Variants in LIN28B observed in about 807,000 individuals in gnomAD.
LIN28B encodes protein lin-28 homolog B.
Under a neutral mutation model 21.9 loss-of-function variants are expected in LIN28B, and 5 were observed. The observed-to-expected ratio is 0.23, with a 90% confidence interval of 0.12 to 0.48. The LOEUF (loss-of-function observed/expected upper bound fraction) is 0.48, where lower values mean the gene tolerates loss of function less well. Ranked by LOEUF, LIN28B falls within the 20% of genes least tolerant of loss-of-function variation. LIN28B has a pLI of 0.98. For synonymous variants in LIN28B, 109 were observed against 111.3 expected (o/e 0.98, Z 0.13); for missense variants, 245 against 310.5 (o/e 0.79, Z 1.58).
At chr6:104,977,713 G>C (rs569616759) in intron 2 of LIN28B, among the ~76,000 whole-genome samples, 1 of 151,990 alleles carries the variant, frequency 6.6e-6, no homozygotes, top group African/African-American at 2.4e-5. Context: ...GAGTACAGGC[G>C]TGCGCCACCA....
chr6:104,957,107 CAAAAG>C lies in LIN28B; in HGVS notation c.-141_-137del. ...AACTGGAGAGAGGAGAGAAAAAAAT[CAAAAG>C]AAGGAAAGCACATTAGACCATGCGA... On this transcript the variant is annotated 5_prime_UTR_variant, in exon 1 of 4. Coordinates refer to ENST00000345080, the MANE Select transcript of LIN28B (RefSeq NM_001004317.4). The C allele has an allele frequency of 6.4e-7, 1 of 1,562,780 alleles. No individual in the cohort carries two copies. The highest frequency in any genetic ancestry group is 8.7e-7 in the Non-Finnish European group (1 of 1,154,920).
chr6:104,950,398 G>T, intron 2 of LIN28B: 1 of 864,790 alleles, frequency 1.2e-6, no homozygotes, highest in Non-Finnish European at 1.5e-6. Context: ...TGGCCATTAG[G>T]ATGAAGAAGA....
intron 2 of LIN28B, among the ~76,000 whole-genome samples, chr6:104,997,424 GA>G (rs1770632746): frequency 6.6e-6 from 1 of 151,886 alleles, no homozygotes; most frequent in African/African-American, 2.4e-5. Flanking sequence ...AAGATGGAGT[GA>G]AAGGAAGAAA....
rs114761912 is a variant in LIN28B at position 105,005,209 on chromosome 6, T to C, written c.199-21089T>C. On this transcript the variant is annotated intron_variant, in intron 2 of 3. Coordinates refer to ENST00000345080, the MANE Select transcript of LIN28B (RefSeq NM_001004317.4). ...AGGTGCCCTTCTGATTCTTATTCCT[T>C]TTTGTGAGACCCCTCTACCTTTTTT... 5.7e-3 allele frequency among the ~76,000 whole-genome samples: 874 copies of C among 152,290 alleles called. 9 individuals are homozygous for C. The highest frequency in any genetic ancestry group is 0.02 in the African/African-American group (842 of 41,568).
chr6:105,007,747 C>A (rs1770846003), intron 2 of LIN28B, among the ~76,000 whole-genome samples: 1 of 151,954 alleles, frequency 6.6e-6, no homozygotes, highest in African/African-American at 2.4e-5. Flanking sequence ...CCAGGCTTGT[C>A]TTGAAGTGCT....
chr6:104,945,123 A>G (rs1282183038), intron 2 of LIN28B, among the ~76,000 whole-genome samples: 2 of 152,132 alleles, frequency 1.3e-5, no homozygotes, highest in East Asian at 3.8e-4. Flanking sequence ...TCTAGACTGT[A>G]TAGGTTAAAA....
In LIN28B at chr6:105,051,393, C is replaced by T. The variant is rs747998390; in HGVS notation, c.383+24911C>T. ...GGTGGAGGTTGCAGTGAGCTGAGAT[C>T]GTGCCATTGCACTCCAGCCTGGGCG... On this transcript the variant is annotated intron_variant, in intron 3 of 3. Transcript: ENST00000345080. 6.7e-5 allele frequency among the ~76,000 whole-genome samples: 10 copies of T among 150,130 alleles called. 1 individual carries two copies. Among genetic ancestry groups the T allele is most frequent in the African/African-American group, 2.0e-4 (8 of 40,108 alleles).
chr6:104,992,302 C>T (rs750431793), intron 2 of LIN28B, among the ~76,000 whole-genome samples: 7 of 152,106 alleles, frequency 4.6e-5, no homozygotes, highest in Non-Finnish European at 8.8e-5. Context: ...GGTGATCCGC[C>T]CACCTTGGCC....
intron 3 of LIN28B, among the ~76,000 whole-genome samples, chr6:105,034,762 T>G (rs1355608216): frequency 6.6e-6 from 1 of 152,096 alleles, no homozygotes; most frequent in Admixed American, 6.5e-5. Flanking sequence ...TGTGTGATAG[T>G]AAAGTTATTT....
intron 2 of LIN28B, among the ~76,000 whole-genome samples, chr6:104,977,034 T>A (rs903875678): frequency 5.9e-5 from 9 of 151,920 alleles, no homozygotes; most frequent in African/African-American, 1.9e-4. Flanking sequence ...CTCCTTATTT[T>A]TATTTTTTTT....
At chr6:104,950,181 C>T (rs1351150454) in intron 2 of LIN28B, among the ~76,000 whole-genome samples, 1 of 151,992 alleles carries the variant, frequency 6.6e-6, no homozygotes, top group Non-Finnish European at 1.5e-5. Context: ...ATTTAAACTG[C>T]ATTGTTCGTG....
At chr6:104,997,948 C>T (rs1481764784) in intron 2 of LIN28B, among the ~76,000 whole-genome samples, 1 of 151,928 alleles carries the variant, frequency 6.6e-6, no homozygotes, top group African/African-American at 2.4e-5. Flanking sequence ...TATTTATATA[C>T]AATAATAAAC....
rs1338174737 is a variant in LIN28B at position 105,082,337 on chromosome 6, C to T, written c.*3554C>T. ...AGTTTTATTTTGCACCAGTGCGGCCCCAAGTTACTGCTGGTTGTATTTAGT... is the reference window on the plus strand; with the variant it reads ...AGTTTTATTTTGCACCAGTGCGGCCTCAAGTTACTGCTGGTTGTATTTAGT... On this transcript the variant is annotated 3_prime_UTR_variant, in exon 4 of 4. Coordinates refer to ENST00000345080, the MANE Select transcript of LIN28B (RefSeq NM_001004317.4). 6.6e-6 allele frequency: 1 copy of T among 152,468 alleles called. No individual in the cohort carries two copies. The highest frequency in any genetic ancestry group is 2.4e-5 in the African/African-American group (1 of 41,396). 9.4% of individuals were successfully genotyped at this position (152,468 alleles called of 1,614,324 possible). A position where few individuals can be genotyped will look rare whatever the true frequency, so the allele number is the denominator to read the frequency against.
At chr6:104,955,457 C>T (rs1451981254), upstream of LIN28B, among the ~76,000 whole-genome samples, 3 of 152,036 alleles carry the variant, frequency 2.0e-5, no homozygotes, top group Middle Eastern at 3.2e-3. Context: ...TTTCATTAAA[C>T]CTTTTATCAA....
chr6:104,975,881 C>T lies in LIN28B; in HGVS notation c.198+17595C>T, dbSNP rs181451486. On this transcript the variant is annotated intron_variant, in intron 2 of 3. Coordinates refer to ENST00000345080, the MANE Select transcript of LIN28B (RefSeq NM_001004317.4). ...TTGTAGAGTTGGGGTTTCACCACGTCGTCCAGGCTGGTCTCAAACTCCTAA... is the reference window on the plus strand; with the variant it reads ...TTGTAGAGTTGGGGTTTCACCACGTTGTCCAGGCTGGTCTCAAACTCCTAA... Among the ~76,000 whole-genome samples, 17 of 145,836 alleles carry T rather than the reference C, an allele frequency of 1.2e-4. No individual in the cohort carries two copies. In the South Asian group the frequency reaches 1.5e-3, roughly 13 times the overall value.
upstream of LIN28B, among the ~76,000 whole-genome samples, chr6:104,954,442 C>T (rs2114558923): frequency 6.6e-6 from 1 of 152,330 alleles, no homozygotes; most frequent in South Asian, 2.1e-4. Flanking sequence ...TTGTGTTTCT[C>T]AATGTGTCTC....
intron 2 of LIN28B, among the ~76,000 whole-genome samples, chr6:104,966,220 G>A (rs1393294486): frequency 2.6e-5 from 4 of 152,108 alleles, no homozygotes; most frequent in African/African-American, 4.8e-5. Flanking sequence ...GTTTGGCTTC[G>A]GCTCTGCCAG....
At chr6:104,968,727 C>T (rs1769914192) in intron 2 of LIN28B, among the ~76,000 whole-genome samples, 1 of 152,074 alleles carries the variant, frequency 6.6e-6, no homozygotes, top group Non-Finnish European at 1.5e-5. Flanking sequence ...TTTCCTAGGC[C>T]ATTAGAGATA....
intron 3 of LIN28B, among the ~76,000 whole-genome samples, chr6:105,051,956 A>T (rs1303377601): frequency 6.6e-6 from 1 of 152,224 alleles, no homozygotes; most frequent in Non-Finnish European, 1.5e-5. Flanking sequence ...AAATTATAGC[A>T]GTGTAAGGGG....
Sources: gnomAD v4.1 joint callset for allele counts (sites outside exome capture counted in the v4.1 genomes callset) on GRCh38, gnomAD v4.1.1 for gene constraint, MANE v1.5 for transcripts, NCBI Gene and HGNC (gene_info 2026-07-23, HGNC 2026-07-21) for gene names.